The following KCNS3 variants were observed in gnomAD, a reference collection of about 807,000 sequenced individuals.
KCNS3 encodes the protein delayed-rectifier potassium channel regulatory subunit KCNS3.
KCNS3 carries 13 observed loss-of-function variants against 31.0 expected under a neutral mutation model. That is an observed-to-expected ratio of 0.42 (90% CI 0.27 to 0.67). The LOEUF (loss-of-function observed/expected upper bound fraction) is 0.67, where lower values mean the gene tolerates loss of function less well. Ranked by LOEUF, KCNS3 falls within the 30% of genes least tolerant of loss-of-function variation. The pLI is 0.25. For missense variants in KCNS3, 545 were observed against 622.4 expected, an observed-to-expected ratio of 0.88 and a Z score of 1.32; for synonymous variants, 238 against 241.5, an observed-to-expected ratio of 0.99 and a Z score of 0.13.
intron 1 of KCNS3, among the ~76,000 whole-genome samples, chr2:17,907,877 C>T (rs1662374543): frequency 6.6e-6 from 1 of 152,212 alleles, no homozygotes; most frequent in Admixed American, 6.5e-5. Flanking sequence ...ACCTTTCTCT[C>T]TGGCTGCCCT....
intron 1 of KCNS3, among the ~76,000 whole-genome samples, chr2:17,889,087 T>C (rs1661774569): frequency 6.6e-6 from 1 of 152,178 alleles, no homozygotes; most frequent in Non-Finnish European, 1.5e-5. Context: ...TTTGTTTGTC[T>C]TGTCTATGAT....
chr2:17,919,748 C>A (rs1662671445), intron 2 of KCNS3: 1 of 152,238 alleles, frequency 6.6e-6, no homozygotes, highest in African/African-American at 2.4e-5. Flanking sequence ...TCTTGCCTGA[C>A]TGTTTGGCCG....
Position 17,903,014 on chromosome 2 carries a change from A to C in KCNS3, c.-251-14666A>C, listed in dbSNP as rs1329533772. Among the ~76,000 whole-genome samples the C allele has an allele frequency of 3.3e-5, 5 of 152,250 alleles. No homozygotes were observed. The East Asian group carries it at 9.6e-4, about 29-fold the overall frequency. ...AATTAAGGAAAAACATGTACCTGCC[A>C]TCTGCAGTGGTTGATAAATAAGCTA... is the stretch of plus-strand genomic sequence containing the variant. On this transcript the variant is annotated intron_variant, in intron 1 of 2. Transcript: ENST00000304101.
chr2:17,916,147 T>G (rs1256451209), intron 1 of KCNS3, among the ~76,000 whole-genome samples: 1 of 152,180 alleles, frequency 6.6e-6, no homozygotes, highest in Non-Finnish European at 1.5e-5. Context: ...ATATAGTGAT[T>G]TATTAATTAC....
At chr2:17,906,660 C>T (rs940150942) in intron 1 of KCNS3, among the ~76,000 whole-genome samples, 1 of 152,186 alleles carries the variant, frequency 6.6e-6, no homozygotes, top group Admixed American at 6.5e-5. Context: ...TATGTTGTGT[C>T]GTTGTTCTCA....
chr2:17,909,668 T>C (rs1165672611), intron 1 of KCNS3, among the ~76,000 whole-genome samples: 1 of 152,132 alleles, frequency 6.6e-6, no homozygotes, highest in Admixed American at 6.5e-5. Context: ...AAGATATCAT[T>C]TGAGTGAAGA....
chr2:17,931,869 G>C lies in KCNS3; in HGVS notation c.861G>C (p.Lys287Asn). The C allele has an allele frequency of 6.2e-7, 1 of 1,614,194 alleles. No homozygotes were observed. The highest frequency in any genetic ancestry group is 8.5e-7 in the Non-Finnish European group (1 of 1,180,036). The change falls in exon 3 of 3, where the codon AAG becomes AAC. Residue 287 changes from lysine (K) to asparagine (N), a missense_variant. Lys to Asn is a moderately conservative substitution (Grantham distance 94). Transcript: ENST00000304101. This position sits in a 1 kb window ranked among gnomAD's most constrained non-coding sequence, Gnocchi z 5.4. ...GTGAGGATATTGAGAACATGGGCAAGGTGGTCCAGATCCTACGGCTTATGA... is the reference window on the plus strand; with the variant it reads ...GTGAGGATATTGAGAACATGGGCAACGTGGTCCAGATCCTACGGCTTATGA... ...EESEDIENMG[K>N]VVQILRLMRI...
chr2:17,898,237 C>A (rs1346649008), intron 1 of KCNS3, among the ~76,000 whole-genome samples: 1 of 111,564 alleles, frequency 9.0e-6, no homozygotes, highest in East Asian at 2.8e-4. Flanking sequence ...TAATGTGATG[C>A]CTCTAGGTTT....
rs184809953 is a variant in KCNS3, at chr2:17,905,870, T to A, written c.-251-11810T>A. On this transcript the variant is annotated intron_variant, in intron 1 of 2. Coordinates refer to ENST00000304101, the MANE Select transcript of KCNS3 (RefSeq NM_002252.5). ...CTGCTGGATTTGGTTTGCCCGTATT[T>A]TATTGAGGATTTTTGCATCGATGTT... is the stretch of plus-strand genomic sequence containing the variant. 6.1e-4 allele frequency among the ~76,000 whole-genome samples: 93 copies of A among 152,332 alleles called. No homozygotes were observed. The East Asian group carries it at 0.015, about 25-fold the overall frequency.
chr2:17,902,334 C>CTGTGTGTG (rs61498649), intron 1 of KCNS3, among the ~76,000 whole-genome samples: 9 of 149,756 alleles, frequency 6.0e-5, no homozygotes, highest in South Asian at 2.2e-4. Context: ...GGTTGGGAGA[C>CTGTGTGTG]TGTGTGTGTG....
chr2:17,917,003 A>AT (rs527637472), intron 1 of KCNS3, among the ~76,000 whole-genome samples: 37 of 151,906 alleles, frequency 2.4e-4, no homozygotes, highest in Non-Finnish European at 4.7e-4. Flanking sequence ...TGGAAACTGG[A>AT]TTTTTTTTGC....
chr2:17,917,948 G>A (rs1558457497), intron 2 of KCNS3, 77 bp downstream of exon 2: 1 of 152,674 alleles, frequency 6.5e-6, no homozygotes, highest in South Asian at 2.1e-4. Context: ...GCGTTACAGT[G>A]TAGTGAGAAA....
chr2:17,878,124 T>C (rs1168464231), upstream of KCNS3: 1 of 152,236 alleles, frequency 6.6e-6, no homozygotes, highest in African/African-American at 2.4e-5. Context: ...ATGGCAAACA[T>C]TGGCAGGAAC....
At chr2:17,894,328 C>T (rs1261528343) in intron 1 of KCNS3, among the ~76,000 whole-genome samples, 1 of 152,108 alleles carries the variant, frequency 6.6e-6, no homozygotes, top group Non-Finnish European at 1.5e-5. Context: ...AAGGGGGCCA[C>T]ACACTTGCAC....
chr2:17,905,446 C>G (rs1254649510), intron 1 of KCNS3, among the ~76,000 whole-genome samples: 210 of 141,900 alleles, frequency 1.5e-3, no homozygotes, highest in African/African-American at 2.9e-3. Context: ...ATTGAATACC[C>G]TTTATTTCTT....
chr2:17,896,424 A>C (rs1040531895), intron 1 of KCNS3, among the ~76,000 whole-genome samples: 1 of 152,058 alleles, frequency 6.6e-6, no homozygotes, highest in Non-Finnish European at 1.5e-5. Context: ...GTAGAAGCAA[A>C]ATGATGTCAC....
chr2:17,909,219 C>G (rs1016594609), intron 1 of KCNS3, among the ~76,000 whole-genome samples: 2 of 152,218 alleles, frequency 1.3e-5, no homozygotes, highest in Non-Finnish European at 2.9e-5. Flanking sequence ...GCTGTGCTAG[C>G]AATGAGTGAG....
At chr2:17,886,783 C>CCAT in intron 1 of KCNS3, among the ~76,000 whole-genome samples, 1 of 86,238 alleles carries the variant, frequency 1.2e-5, no homozygotes, top group African/African-American at 4.5e-5. Context: ...CATCCATCCA[C>CCAT]CCACCCACCT....
In KCNS3 at chr2:17,883,820, G is replaced by A. The variant is rs577278945; in HGVS notation, c.-252+5014G>A. Among the ~76,000 whole-genome samples the A allele has an allele frequency of 9.2e-5, 14 of 151,992 alleles. No homozygotes were observed. In the South Asian group the frequency reaches 1.2e-3, roughly 14 times the overall value. On this transcript the variant is annotated intron_variant, in intron 1 of 2. Transcript: ENST00000304101. ...ACACCTGCACACGTATGTTTATTGC[G>A]GCACTATTCACAATAGCAAAGACTT... is the stretch of plus-strand genomic sequence containing the variant.
Sources: allele counts gnomAD v4.1 joint callset (sites outside exome capture counted in the v4.1 genomes callset), GRCh38; gene constraint gnomAD v4.1.1; non-coding constraint Gnocchi (gnomAD v3.1); transcripts MANE v1.5; gene names NCBI Gene and HGNC (gene_info 2026-07-23, HGNC 2026-07-21).